The following PLAAT3 variants were observed in gnomAD, a reference collection of about 807,000 sequenced individuals.
The protein encoded by PLAAT3 is Ca-independent phospholipase A1/2.
A neutral mutation model predicts 16.7 loss-of-function variants in PLAAT3; 21 were observed. That is an observed-to-expected ratio of 1.26 (90% CI 0.89 to 1.81). The LOEUF (loss-of-function observed/expected upper bound fraction) is 1.81. PLAAT3 is among the 40% of genes most tolerant of loss of function. The pLI is 0.00. For synonymous variants in PLAAT3, 76 were observed against 81.7 expected (o/e 0.93, Z 0.38); for missense variants, 219 against 213.7 (o/e 1.02, Z -0.16).
upstream of PLAAT3, among the ~76,000 whole-genome samples, chr11:63,615,058 A>ATATGTG (rs1243535303): frequency 7.1e-4 from 30 of 42,224 alleles, 7 homozygotes; most frequent in East Asian, 8.5e-3. Context: ...ATATGTGTAT[A>ATATGTG]TATATGTGTG....
At chr11:63,608,565 A>G (rs1448090047) in intron 2 of PLAAT3, 1 of 152,226 alleles carries the variant, frequency 6.6e-6, no homozygotes, top group East Asian at 1.9e-4. Context: ...TGCTTTCAGA[A>G]TACTTTTTAA....
At chr11:63,597,725 C>A (rs978558803) in intron 3 of PLAAT3, among the ~76,000 whole-genome samples, 2 of 152,112 alleles carry the variant, frequency 1.3e-5, no homozygotes, top group Non-Finnish European at 2.9e-5. Context: ...GGCGGTAATA[C>A]AAGCGATGGG....
At chr11:63,579,885 A>AG (rs1295761985) in intron 4 of PLAAT3, among the ~76,000 whole-genome samples, 7 of 150,584 alleles carry the variant, frequency 4.6e-5, no homozygotes, top group African/African-American at 7.4e-5. Flanking sequence ...AAAAAAAAAA[A>AG]AAAAAGAAGA....
Position 63,614,088 on chromosome 11 carries a change from G to C in PLAAT3, c.-54-20C>G. ...AGATGTCTGAGGCAGGGGGAGCAGG[G>C]ATTTATTGTCATTAACAGGAAACTG... On this transcript the variant is annotated intron_variant, in intron 1 of 4. Transcript: ENST00000415826. 1 of 1,610,834 alleles carries C rather than the reference G, an allele frequency of 6.2e-7. No individual in the cohort carries two copies. Among genetic ancestry groups the C allele is most frequent in the Non-Finnish European group, 8.5e-7 (1 of 1,177,630 alleles).
At chr11:63,592,461 C>A (rs1938177149) in intron 3 of PLAAT3, among the ~76,000 whole-genome samples, 1 of 152,166 alleles carries the variant, frequency 6.6e-6, no homozygotes, top group African/African-American at 2.4e-5. Flanking sequence ...CAGGTGTGAG[C>A]CACCACACCT....
chr11:63,588,977 CAAAAAAAAAA>C (rs58090843), intron 4 of PLAAT3, among the ~76,000 whole-genome samples: 1 of 46,912 alleles, frequency 2.1e-5, no homozygotes, highest in Non-Finnish European at 4.3e-5. Context: ...ATGAGCCAAG[CAAAAAAAAAA>C]AAAAAAAAAA....
At chr11:63,613,161 C>A (rs1168998447) in intron 2 of PLAAT3, among the ~76,000 whole-genome samples, 1 of 152,150 alleles carries the variant, frequency 6.6e-6, no homozygotes, top group African/African-American at 2.4e-5. Flanking sequence ...CCTGTAATCC[C>A]AGCACTTTGC....
rs1041420716 is a variant in PLAAT3 at position 63,590,415 on chromosome 11, C to T, written c.119-47G>A. The T allele has an allele frequency of 4.4e-6, 7 of 1,580,886 alleles. No homozygotes were observed. The African/African-American group carries it at 9.4e-5, about 21-fold the overall frequency. ...ACAGAGGGATTGGTCCTGGGAAGGG[C>T]CACGGAGGCTCAGAGCTGGCCCCCA... On this transcript the variant is annotated intron_variant, in intron 3 of 4. Coordinates refer to ENST00000415826, the MANE Select transcript of PLAAT3 (RefSeq NM_001128203.2).
At chr11:63,605,178 T>C (rs1257809931) in intron 2 of PLAAT3, among the ~76,000 whole-genome samples, 2 of 152,076 alleles carry the variant, frequency 1.3e-5, no homozygotes, top group East Asian at 1.9e-4. Flanking sequence ...GTGGATCACC[T>C]GAGGTCAAGA....
intron 2 of PLAAT3, among the ~76,000 whole-genome samples, chr11:63,610,226 C>T (rs1323018407): frequency 6.6e-6 from 1 of 152,216 alleles, no homozygotes; most frequent in Non-Finnish European, 1.5e-5. Flanking sequence ...TTTTGCCGTT[C>T]ACCTGGAAGA....
upstream of PLAAT3, among the ~76,000 whole-genome samples, chr11:63,615,098 G>A (rs12788681): frequency 1.3e-4 from 10 of 79,086 alleles, no homozygotes; most frequent in African/African-American, 3.1e-4. Flanking sequence ...GTGTATATAT[G>A]TGTATATATG....
At chr11:63,601,059 T>G (rs1318831935) in intron 2 of PLAAT3, among the ~76,000 whole-genome samples, 18 of 147,518 alleles carry the variant, frequency 1.2e-4, no homozygotes, top group Non-Finnish European at 2.7e-4. Context: ...AAAAAAATTT[T>G]TTTTTTTTTT....
intron 2 of PLAAT3, among the ~76,000 whole-genome samples, chr11:63,603,984 T>A (rs1938496704): frequency 6.6e-6 from 1 of 152,142 alleles, no homozygotes; most frequent in Non-Finnish European, 1.5e-5. Flanking sequence ...AAACCCTGTC[T>A]GTACTGAAAA....
chr11:63,596,573 A>C (rs1408174329), intron 3 of PLAAT3, among the ~76,000 whole-genome samples: 1 of 151,768 alleles, frequency 6.6e-6, no homozygotes, highest in Admixed American at 6.6e-5. Context: ...TTTTCCTGCA[A>C]CTAGATGGTC....
intron 4 of PLAAT3, among the ~76,000 whole-genome samples, chr11:63,584,852 C>T (rs902514322): frequency 6.6e-5 from 10 of 152,076 alleles, no homozygotes; most frequent in Non-Finnish European, 1.3e-4. Context: ...CTTCAAAGAG[C>T]TCAGCACAAA....
intron 4 of PLAAT3, among the ~76,000 whole-genome samples, chr11:63,584,151 A>C (rs1937898456): frequency 6.6e-6 from 1 of 152,202 alleles, no homozygotes; most frequent in Admixed American, 6.5e-5. Context: ...CATTTACAGT[A>C]ATTTCAAAAT....
At chr11:63,613,093 A>G (rs1938732390) in intron 2 of PLAAT3, among the ~76,000 whole-genome samples, 1 of 152,066 alleles carries the variant, frequency 6.6e-6, no homozygotes, top group Admixed American at 6.6e-5. Context: ...TGTTCTGGGC[A>G]CTTTCTGAGT....
intron 4 of PLAAT3, among the ~76,000 whole-genome samples, chr11:63,576,249 C>G (rs1217241802): frequency 1.3e-5 from 2 of 152,196 alleles, no homozygotes; most frequent in South Asian, 2.1e-4. Flanking sequence ...CACCCACCCC[C>G]ACTCACTCAG....
chr11:63,612,921 A>T (rs1938728015), intron 2 of PLAAT3, among the ~76,000 whole-genome samples: 1 of 152,146 alleles, frequency 6.6e-6, no homozygotes, highest in Non-Finnish European at 1.5e-5. Context: ...GATTATTGCT[A>T]AAAATAATGT....
Sources: gnomAD v4.1 joint callset for allele counts (sites outside exome capture counted in the v4.1 genomes callset) on GRCh38, gnomAD v4.1.1 for gene constraint, MANE v1.5 for transcripts, NCBI Gene and HGNC (gene_info 2026-07-23, HGNC 2026-07-21) for gene names.